Variants in RPH3A observed in about 807,000 individuals in gnomAD.
RPH3A encodes rabphilin-3A.
A neutral mutation model predicts 102.2 loss-of-function variants in RPH3A; 48 were observed. That is an observed-to-expected ratio of 0.47 (90% CI 0.37 to 0.60). RPH3A has a LOEUF of 0.60. RPH3A is among the 20% of genes least tolerant of loss of function. The pLI, the probability that RPH3A is intolerant of heterozygous loss-of-function variation, is 0.00. For synonymous variants in RPH3A, 310 were observed against 324.3 expected (o/e 0.96, Z 0.47); for missense variants, 781 against 910.1 (o/e 0.86, Z 1.83).
chr12:112,734,232 G>T (rs569246038), intron 1 of RPH3A, among the ~76,000 whole-genome samples: 3 of 152,190 alleles, frequency 2.0e-5, no homozygotes, highest in Non-Finnish European at 2.9e-5. Flanking sequence ...TTACCATTGT[G>T]TTACAATTGC....
At chr12:112,687,969 C>T (rs1017468621) in intron 1 of RPH3A, among the ~76,000 whole-genome samples, 1 of 152,148 alleles carries the variant, frequency 6.6e-6, no homozygotes, top group Admixed American at 6.5e-5. Flanking sequence ...TGTGGTCTAC[C>T]CCCAAGGCCC....
At position 112,724,265 on chromosome 12, in the gene RPH3A, A is replaced by C. The variant is rs569444463; in HGVS notation, c.-139-67878A>C. On this transcript the variant is annotated intron_variant, in intron 1 of 21. Coordinates refer to the RPH3A transcript ENST00000543106. The stretch of plus-strand genomic sequence containing the variant: ...TGTTTGGTAAAGACAGGGTCTCACT[A>C]TGTTGCCCAGGCTGCTTTTGAACTT... Among the ~76,000 whole-genome samples, 20 of 152,018 alleles carry C rather than the reference A, an allele frequency of 1.3e-4. 1 individual carries two copies. The highest frequency in any genetic ancestry group is 1.2e-4 in the African/African-American group (5 of 41,404).
chr12:112,591,673 G>GT (rs2039480071), intron 1 of RPH3A: 3 of 152,198 alleles, frequency 2.0e-5, no homozygotes, highest in Non-Finnish European at 4.4e-5. Context: ...ACTCTGCATT[G>GT]TTTTGGTGAT....
chr12:112,811,631 G>A (rs1030114710), intron 2 of RPH3A, among the ~76,000 whole-genome samples: 1 of 151,982 alleles, frequency 6.6e-6, no homozygotes, highest in Admixed American at 6.6e-5. Context: ...CATGTGAGGT[G>A]ACTCAAACAT....
At chr12:112,813,958 G>A (rs1593032756) in intron 2 of RPH3A, among the ~76,000 whole-genome samples, 1 of 152,108 alleles carries the variant, frequency 6.6e-6, no homozygotes, top group East Asian at 1.9e-4. Flanking sequence ...GTGTGTGTGT[G>A]TGTGTGTGTA....
rs564917859 is a variant in RPH3A, at chr12:112,759,108, T to G, written c.-139-33035T>G. Among the ~76,000 whole-genome samples the G allele has an allele frequency of 8.1e-4, 124 of 152,338 alleles. 3 individuals carry two copies. In the South Asian group the frequency reaches 0.024, roughly 29 times the overall value. On this transcript the variant is annotated intron_variant, in intron 1 of 21. Transcript: ENST00000543106. ...GTTTTCAATTGAACACATGTGTGAT[T>G]GCGGTCACTGCCTTAGAAATTGTTT...
chr12:112,712,999 CTCTTCCTCTTCCTCTTCCTCT>C lies in RPH3A; in HGVS notation c.-139-79141_-139-79121del, dbSNP rs1463108173. 3.2e-3 allele frequency among the ~76,000 whole-genome samples: 215 copies of C among 67,476 alleles called. 7 individuals carry two copies. Among genetic ancestry groups the C allele is most frequent in the African/African-American group, 0.012 (181 of 15,306 alleles). 44.3% of individuals were successfully genotyped at this position (67,476 alleles called of 152,430 possible). A position where few individuals can be genotyped will look rare whatever the true frequency, so the allele number is the denominator to read the frequency against. ...TTTCTTCTTCGTCGTCTTTGTCTTC[CTCTTCCTCTTCCTCTTCCTCT>C]TCCTCTTCTTCTTCTTCTTCTTCTT... On this transcript the variant is annotated intron_variant, in intron 1 of 21. Transcript: ENST00000543106.
chr12:112,677,230 C>G (rs1250602315), intron 1 of RPH3A, among the ~76,000 whole-genome samples: 1 of 152,142 alleles, frequency 6.6e-6, no homozygotes, highest in Admixed American at 6.5e-5. Context: ...GGACCCAGCT[C>G]TCATCAAGGG....
chr12:112,675,376 T>C (rs1192825342), intron 1 of RPH3A, among the ~76,000 whole-genome samples: 1 of 152,180 alleles, frequency 6.6e-6, no homozygotes, highest in Non-Finnish European at 1.5e-5. Flanking sequence ...TAGACTTTAC[T>C]CAGGTCCAGG....
intron 1 of RPH3A, among the ~76,000 whole-genome samples, chr12:112,726,633 T>C (rs1189425868): frequency 1.8e-4 from 28 of 152,212 alleles, no homozygotes; most frequent in Admixed American, 1.8e-3. Flanking sequence ...ACTTCATTTT[T>C]CCCCCTTGTT....
intron 7 of RPH3A, among the ~76,000 whole-genome samples, chr12:112,867,466 C>A (rs1324079850): frequency 6.6e-6 from 1 of 152,156 alleles, no homozygotes; most frequent in Non-Finnish European, 1.5e-5. Context: ...CTGTCAGGGG[C>A]CTGGCAGGAA....
rs544128774 is a variant in RPH3A, at chr12:112,827,420, G to A, written c.-18-881G>A. Among the ~76,000 whole-genome samples the A allele has an allele frequency of 2.0e-5, 3 of 152,272 alleles. No homozygotes were observed. The East Asian group carries it at 5.8e-4, about 29-fold the overall frequency. On this transcript the variant is annotated intron_variant, in intron 2 of 21. Transcript: ENST00000389385. Reference sequence around the variant, plus strand: ...TTTTATGGCAGAATAATGCTACATGGATATACCACATTTTGTTGATCTTCT... The same window carrying A: ...TTTTATGGCAGAATAATGCTACATGAATATACCACATTTTGTTGATCTTCT...
intron 4 of RPH3A, among the ~76,000 whole-genome samples, chr12:112,840,203 A>G (rs1040287105): frequency 6.6e-6 from 1 of 152,104 alleles, no homozygotes; most frequent in Non-Finnish European, 1.5e-5. Flanking sequence ...TTTTTGACAT[A>G]AAATAGTTTA....
intron 1 of RPH3A, among the ~76,000 whole-genome samples, chr12:112,727,458 GAC>G (rs60493848): frequency 4.4e-3 from 136 of 30,564 alleles, no homozygotes; most frequent in Middle Eastern, 0.023. Flanking sequence ...CACAGACACA[GAC>G]ACACACACAC....
chr12:112,806,626 C>T (rs1263904053), intron 2 of RPH3A, among the ~76,000 whole-genome samples: 2 of 150,170 alleles, frequency 1.3e-5, no homozygotes, highest in African/African-American at 2.5e-5. Flanking sequence ...GAGACTCCAT[C>T]TCAAAAATTA....
At chr12:112,614,912 G>A (rs940781144) in intron 1 of RPH3A, among the ~76,000 whole-genome samples, 2 of 151,946 alleles carry the variant, frequency 1.3e-5, no homozygotes, top group African/African-American at 2.4e-5. Context: ...AGCCTCCTGA[G>A]TTGCTGGGAT....
At chr12:112,839,215 A>G (rs1194825636) in intron 4 of RPH3A, among the ~76,000 whole-genome samples, 2 of 152,250 alleles carry the variant, frequency 1.3e-5, no homozygotes, top group Non-Finnish European at 1.5e-5. Flanking sequence ...GGCTGAAAGC[A>G]TTAAAAATAT....
At chr12:112,610,825 A>C (rs1820103365) in intron 1 of RPH3A, among the ~76,000 whole-genome samples, 1 of 152,042 alleles carries the variant, frequency 6.6e-6, no homozygotes, top group African/African-American at 2.4e-5. Flanking sequence ...TTTAGTAGAG[A>C]CAGGGTTTCA....
At chr12:112,678,781 A>G (rs1027915753) in intron 1 of RPH3A, among the ~76,000 whole-genome samples, 4 of 152,200 alleles carry the variant, frequency 2.6e-5, no homozygotes, top group African/African-American at 9.6e-5. Flanking sequence ...GCATCGTCAT[A>G]GCATTGTCAT....
Sources: gnomAD v4.1 joint callset for allele counts (sites outside exome capture counted in the v4.1 genomes callset) on GRCh38, gnomAD v4.1.1 for gene constraint, MANE v1.5 for transcripts, NCBI Gene and HGNC (gene_info 2026-07-23, HGNC 2026-07-21) for gene names.